The following NEK1 variants were observed in gnomAD, a reference collection of about 807,000 sequenced individuals.
NEK1 encodes NIMA related kinase 1.
In NEK1, 137 loss-of-function variants were observed where a neutral mutation model predicts 182.1. The ratio of observed to expected loss-of-function variants is 0.75; its 90% CI spans 0.65 to 0.87. NEK1 has a LOEUF of 0.87. NEK1 is among the 40% of genes least tolerant of loss of function. The probability of loss-of-function intolerance (pLI) is 0.00; values close to 1 mark genes in which losing one functional copy is unlikely to be tolerated. For synonymous variants in NEK1, 513 were observed against 492.2 expected, an observed-to-expected ratio of 1.04 and a Z score of -0.56; for missense variants, 1,391 against 1,494.4, an observed-to-expected ratio of 0.93 and a Z score of 1.14.
In NEK1 at chr4:169,508,822, C is replaced by A; in HGVS notation, c.1696G>T (p.Gly566Ter). ...GILQNLAAMY[G>*]GRPSSSRGGK... Reference sequence around the variant, plus strand: ...CCTCTTGAAGAGCTGGGCCTGCCTCCATACATAGCTGCCAGGTTTTGCAGG... The same window carrying A: ...CCTCTTGAAGAGCTGGGCCTGCCTCAATACATAGCTGCCAGGTTTTGCAGG... Residue 566 changes from glycine to a stop codon, truncating the protein, a stop_gained, in exon 20 of 36, where the codon GGA becomes TGA. Coordinates refer to ENST00000507142, the MANE Select transcript of NEK1 (RefSeq NM_001199397.3). LOFTEE classifies it high-confidence loss of function. The A allele has an allele frequency of 6.3e-7, 1 of 1,592,358 alleles. No homozygotes were observed. The highest frequency in any genetic ancestry group is 8.5e-7 in the Non-Finnish European group (1 of 1,177,038).
In NEK1 at chr4:169,454,487, A is replaced by G. The variant is rs533413384; in HGVS notation, c.2587+8756T>C. Among the ~76,000 whole-genome samples, 7 of 152,370 alleles carry G rather than the reference A, an allele frequency of 4.6e-5. No individual in the cohort carries two copies. In the South Asian group the frequency reaches 1.2e-3, roughly 27 times the overall value. Reference sequence around the variant, plus strand: ...AAAGAACTTAAGCAAAGTTACAAGAAAAAAACAACCCCATCAAAAGGTGGG... The same window carrying G: ...AAAGAACTTAAGCAAAGTTACAAGAGAAAAACAACCCCATCAAAAGGTGGG... On this transcript the variant is annotated intron_variant, in intron 27 of 35. Transcript: ENST00000507142.
At chr4:169,508,987 AC>A in intron 19 of NEK1, 135 bp from the exon 20 acceptor site, 1 of 626,592 alleles carries the variant, frequency 1.6e-6, no homozygotes. Context: ...GTGATAACAA[AC>A]CCTGGCGTTT....
chr4:169,599,890 G>A (rs148492550), intron 4 of NEK1, among the ~76,000 whole-genome samples: 11 of 151,812 alleles, frequency 7.2e-5, no homozygotes, highest in Non-Finnish European at 8.8e-5. Flanking sequence ...TTTTTATTTA[G>A]GCTTTTTTTT....
chr4:169,456,277 G>A (rs1272499863), intron 27 of NEK1, among the ~76,000 whole-genome samples: 3 of 152,066 alleles, frequency 2.0e-5, no homozygotes, highest in Non-Finnish European at 4.4e-5. Flanking sequence ...AAAACTTCAA[G>A]TAGACAATCT....
intron 32 of NEK1, among the ~76,000 whole-genome samples, chr4:169,402,881 T>C (rs775750128): frequency 6.6e-6 from 1 of 151,994 alleles, no homozygotes; most frequent in Non-Finnish European, 1.5e-5. Flanking sequence ...ATGGAAAAGT[T>C]TGTAGACTAA....
chr4:169,473,702 T>G (rs535734978), intron 26 of NEK1, among the ~76,000 whole-genome samples: 8 of 151,784 alleles, frequency 5.3e-5, no homozygotes, highest in Admixed American at 3.3e-4. Flanking sequence ...CTGGGCAACA[T>G]AGCAAAACAC....
chr4:169,406,875 T>C (rs1732727171), intron 31 of NEK1, 128 bp from the exon 32 acceptor site: 8 of 501,784 alleles, frequency 1.6e-5, no homozygotes, highest in Non-Finnish European at 2.3e-5. Flanking sequence ...AGTTTTTTTA[T>C]ATATGTAACA....
At chr4:169,561,760 C>A in intron 14 of NEK1, 23 bp from the exon 15 acceptor site, 1 of 1,591,504 alleles carries the variant, frequency 6.3e-7, no homozygotes, top group South Asian at 1.1e-5. Context: ...TAAAGACAAG[C>A]TTCTTACAAC....
At chr4:169,408,897 T>C (rs887680873) in intron 31 of NEK1, among the ~76,000 whole-genome samples, 2 of 152,210 alleles carry the variant, frequency 1.3e-5, no homozygotes, top group Non-Finnish European at 2.9e-5. Context: ...GTCGTTTCCA[T>C]ATCTTTGCAA....
At chr4:169,508,955 G>T in intron 19 of NEK1, 103 bp from the exon 20 acceptor site, 2 of 876,178 alleles carry the variant, frequency 2.3e-6, no homozygotes, top group South Asian at 1.8e-5. Context: ...GGCAAATACT[G>T]ACCATTTATT....
intron 23 of NEK1, among the ~76,000 whole-genome samples, chr4:169,498,740 T>A (rs1751846495): frequency 2.6e-5 from 4 of 152,216 alleles, no homozygotes; most frequent in Admixed American, 2.0e-4. Context: ...GCCCCCACTC[T>A]CTTCTGGCTT....
intron 27 of NEK1, among the ~76,000 whole-genome samples, chr4:169,452,435 T>C (rs1016015411): frequency 6.6e-6 from 1 of 152,138 alleles, no homozygotes; most frequent in Admixed American, 6.6e-5. Flanking sequence ...GCAAACTGAA[T>C]CCAGCAGCAT....
At chr4:169,423,280 T>G (rs532767109) in intron 31 of NEK1, among the ~76,000 whole-genome samples, 2 of 152,264 alleles carry the variant, frequency 1.3e-5, no homozygotes, top group Non-Finnish European at 2.9e-5. Context: ...TTTTTGTATT[T>G]TTAGTAGAGA....
intron 19 of NEK1, among the ~76,000 whole-genome samples, chr4:169,536,073 T>A (rs1336792358): frequency 6.6e-6 from 1 of 151,600 alleles, no homozygotes; most frequent in Non-Finnish European, 1.5e-5. Flanking sequence ...GGCAGATGGA[T>A]CACCTGAGGT....
At chr4:169,448,959 G>T (rs1263642979) in intron 27 of NEK1, among the ~76,000 whole-genome samples, 1 of 152,226 alleles carries the variant, frequency 6.6e-6, no homozygotes, top group Non-Finnish European at 1.5e-5. Flanking sequence ...CCCAAATACT[G>T]TGCTTTTCCC....
chr4:169,470,437 A>T (rs1487814868), intron 26 of NEK1, among the ~76,000 whole-genome samples: 1 of 152,178 alleles, frequency 6.6e-6, no homozygotes, highest in Non-Finnish European at 1.5e-5. Context: ...AAGAATGTTG[A>T]ATATTGGCCC....
chr4:169,476,122 T>C (rs953861745), intron 26 of NEK1, among the ~76,000 whole-genome samples: 1 of 152,098 alleles, frequency 6.6e-6, no homozygotes, highest in Non-Finnish European at 1.5e-5. Flanking sequence ...AAGAAAACTA[T>C]ACCAAGGCAC....
At position 169,438,258 on chromosome 4, in the gene NEK1, C is replaced by G; in HGVS notation, c.2589G>C (p.Glu863Asp). The change falls in exon 28 of 36, where the codon GAG (glutamate) becomes GAC (aspartate). Residue 863 changes from glutamate (E) to aspartate (D), a missense_variant and splice_region_variant. By Grantham distance (45) the Glu-to-Asp change is conservative. This residue lies in a region of NEK1 where 1,216 missense variants were observed against 1,277.6 expected (regional missense o/e 0.95). Transcript: ENST00000507142. Reference sequence around the variant, plus strand: ...TGTACTTTTCCCCTTCGGGAGAAATCTCTGTGAAAACAAAAAATAAAAAAT... The same window carrying G: ...TGTACTTTTCCCCTTCGGGAGAAATGTCTGTGAAAACAAAAAATAAAAAAT... ...ELLENTTIRSEISPEGEKYKP... is the reference protein window; with the variant it reads ...ELLENTTIRSDISPEGEKYKP... 6.6e-7 allele frequency: 1 copy of G among 1,526,272 alleles called. No homozygotes were observed. Among genetic ancestry groups the G allele is most frequent in the Non-Finnish European group, 8.8e-7 (1 of 1,134,268 alleles). The allele number at this position is 1,526,272 out of a possible 1,614,324, so 94.5% of individuals were successfully genotyped here.
At chr4:169,418,639 T>C (rs375271125) in intron 31 of NEK1, among the ~76,000 whole-genome samples, 15 of 152,216 alleles carry the variant, frequency 9.9e-5, no homozygotes, top group East Asian at 3.9e-4. Flanking sequence ...TAGTATATTA[T>C]TGCAGAAAAA....
Sources: gnomAD v4.1 joint callset for allele counts (sites outside exome capture counted in the v4.1 genomes callset) on GRCh38, gnomAD v4.1.1 for gene constraint, gnomAD v4.1.1 regional missense constraint, MANE v1.5 for transcripts, NCBI Gene and HGNC (gene_info 2026-07-23, HGNC 2026-07-21) for gene names.